The following ZNF846 variants were observed in gnomAD, a reference collection of about 807,000 sequenced individuals.
ZNF846 encodes zinc finger protein 846, also known as zinc finger protein 420 pseudogene.
In ZNF846, 15 loss-of-function variants were observed where a neutral mutation model predicts 16.0. That is an observed-to-expected ratio of 0.94 (90% CI 0.63 to 1.45). ZNF846 has a LOEUF of 1.45. Ranked by LOEUF, ZNF846 falls within the 40% of genes most tolerant of loss-of-function variation. The pLI, the probability that ZNF846 is intolerant of heterozygous loss-of-function variation, is 0.00. For missense variants in ZNF846, 714 were observed against 622.3 expected (o/e 1.15, Z -1.57); for synonymous variants, 229 against 212.0 (o/e 1.08, Z -0.70).
intron 3 of ZNF846, chr19:9,762,493 C>A: frequency 4.5e-6 from 1 of 222,350 alleles, no homozygotes; most frequent in Admixed American, 5.5e-5. Context: ...CAAAAATTAG[C>A]AGGGCATGCT....
intron 1 of ZNF846, among the ~76,000 whole-genome samples, chr19:9,765,535 T>A: frequency 6.6e-6 from 1 of 151,960 alleles, no homozygotes; most frequent in East Asian, 1.9e-4. Context: ...TAGCTGGGCA[T>A]GGCGGCGTGT....
upstream of ZNF846, among the ~76,000 whole-genome samples, chr19:9,771,336 C>G (rs773637309): frequency 8.5e-5 from 13 of 152,224 alleles, no homozygotes; most frequent in Middle Eastern, 3.4e-3. Flanking sequence ...CGCCACCATG[C>G]TTGGCTAATT....
chr19:9,764,302 T>C (rs1383949696), intron 2 of ZNF846, among the ~76,000 whole-genome samples: 1 of 152,212 alleles, frequency 6.6e-6, no homozygotes, highest in Non-Finnish European at 1.5e-5. Flanking sequence ...CTAACCAGCA[T>C]TTGTGGCAAT....
rs941475128 is a variant in ZNF846, at chr19:9,785,046, T to A, written c.-86+892A>T. On this transcript the variant is annotated intron_variant, in intron 1 of 4. Transcript: ENST00000586814. ...TCTCTTTTCCCCACAAGTAACAGTC[T>A]GATCTCTCTTTCTTTTCCCCCGCAC... 5.9e-5 allele frequency among the ~76,000 whole-genome samples: 9 copies of A among 152,228 alleles called. No individual in the cohort carries two copies. The South Asian group carries it at 1.9e-3, about 32-fold the overall frequency.
intron 1 of ZNF846, 74 bp downstream of exon 1, chr19:9,768,215 T>C (rs541600507): frequency 1.6e-4 from 25 of 152,336 alleles, no homozygotes; most frequent in Non-Finnish European, 3.2e-4. Flanking sequence ...AGCATTTAAC[T>C]GCTGAGCAAT....
exon 2 of ZNF846, chr19:9,764,972 G>A: frequency 6.2e-7 from 1 of 1,614,094 alleles, no homozygotes; most frequent in Non-Finnish European, 8.5e-7. Context: ...CAGTAACCCA[G>A]CCACTAGCCT....
chr19:9,776,140 G>A (rs933071175), intron 1 of ZNF846, among the ~76,000 whole-genome samples: 1 of 152,214 alleles, frequency 6.6e-6, no homozygotes, highest in Non-Finnish European at 1.5e-5. Context: ...TGGTCTAGCG[G>A]TAGCGAAAAC....
Position 9,757,654 on chromosome 19 carries a change from C to A in ZNF846, c.1423G>T (p.Glu475Ter). 1 of 1,613,458 alleles carries A rather than the reference C, an allele frequency of 6.2e-7. No homozygotes were observed. The highest frequency in any genetic ancestry group is 8.5e-7 in the Non-Finnish European group (1 of 1,179,920). The change falls in exon 6 of 6, where the codon GAA becomes TAA. Residue 475 changes from glutamate to a stop codon, truncating the protein, a stop_gained. Coordinates refer to ENST00000397902, the Ensembl canonical transcript of ZNF846. LOFTEE classifies it low-confidence loss of function (END_TRUNC). ...CATTCTTTACATGCATAAGGCTTTTCTCCTGTGTGCGTTCGCATGTGCATA... is the reference window on the plus strand; with the variant it reads ...CATTCTTTACATGCATAAGGCTTTTATCCTGTGTGCGTTCGCATGTGCATA...
At chr19:9,766,996 ATT>A (rs369718875) in intron 1 of ZNF846, among the ~76,000 whole-genome samples, 14 of 145,724 alleles carry the variant, frequency 9.6e-5, no homozygotes, top group African/African-American at 2.8e-4. Flanking sequence ...TTATTTATTT[ATT>A]TTTTTTTTTG....
Position 9,759,952 on chromosome 19 carries a change from A to C in ZNF846, c.230-10T>G, listed in dbSNP as rs1374451593. ...AGTTGCAAATCCAATTCTGAAATAA[A>C]GTGAAAAATGCAGCTTGGGAGAAAA... On this transcript the variant is annotated splice_polypyrimidine_tract_variant and intron_variant, in intron 4 of 5. Transcript: ENST00000397902. 1.9e-6 allele frequency: 3 copies of C among 1,609,024 alleles called. No individual in the cohort carries two copies. The South Asian group carries it at 3.3e-5, about 18-fold the overall frequency.
downstream of ZNF846, among the ~76,000 whole-genome samples, chr19:9,753,361 C>T (rs991846997): frequency 6.6e-6 from 1 of 150,844 alleles, no homozygotes; most frequent in Non-Finnish European, 1.5e-5. Flanking sequence ...ACACCATTCT[C>T]CTGCCTCAGC....
At chr19:9,777,896 A>T (rs2045463645) in intron 1 of ZNF846, among the ~76,000 whole-genome samples, 1 of 152,116 alleles carries the variant, frequency 6.6e-6, no homozygotes, top group Admixed American at 6.6e-5. Flanking sequence ...TATTGTGAGT[A>T]ACGGTGCTAT....
intron 1 of ZNF846, among the ~76,000 whole-genome samples, chr19:9,767,622 G>C (rs1273044972): frequency 2.0e-5 from 3 of 151,826 alleles, no homozygotes; most frequent in African/African-American, 7.3e-5. Flanking sequence ...TCTTTAAAAC[G>C]TAAATAAATA....
intron 1 of ZNF846, chr19:9,774,762 T>A: frequency 6.4e-7 from 1 of 1,569,118 alleles, no homozygotes; most frequent in Non-Finnish European, 8.7e-7. Flanking sequence ...TGTCTGTCAG[T>A]AATTAGTGCT....
downstream of ZNF846, chr19:9,756,343 G>GTATATATATATATATATA (rs1190301971): frequency 1.4e-5 from 1 of 71,180 alleles, no homozygotes; most frequent in Non-Finnish European, 2.5e-5. Flanking sequence ...GTGTGTGTGT[G>GTATATATATATATATATA]TGTATATATA....
At chr19:9,764,268 A>C (rs2045279063) in intron 2 of ZNF846, among the ~76,000 whole-genome samples, 1 of 152,174 alleles carries the variant, frequency 6.6e-6, no homozygotes, top group South Asian at 2.1e-4. Flanking sequence ...GTCTAGCTTC[A>C]CATCCTGTTT....
At chr19:9,763,911 GA>G (rs1568324665) in intron 2 of ZNF846, among the ~76,000 whole-genome samples, 1 of 152,178 alleles carries the variant, frequency 6.6e-6, no homozygotes, top group Non-Finnish European at 1.5e-5. Context: ...AATAAAAGAT[GA>G]AATGCTCCTG....
chr19:9,763,242 T>C, intron 3 of ZNF846, 40 bp downstream of exon 3: 1 of 1,504,170 alleles, frequency 6.6e-7, no homozygotes, highest in Non-Finnish European at 8.9e-7. Flanking sequence ...GAAACATTGA[T>C]TTCCTAAAGG....
At chr19:9,772,376 G>A (rs2045396849), upstream of ZNF846, among the ~76,000 whole-genome samples, 1 of 151,754 alleles carries the variant, frequency 6.6e-6, no homozygotes, top group African/African-American at 2.4e-5. Context: ...GAGGTGAGTG[G>A]GTCACCTGAG....
Sources: allele counts gnomAD v4.1 joint callset (sites outside exome capture counted in the v4.1 genomes callset), GRCh38; gene constraint gnomAD v4.1.1; transcripts MANE v1.5; gene names NCBI Gene and HGNC (gene_info 2026-07-23, HGNC 2026-07-21).